GLB1L3: variants seen among roughly 807,000 people sequenced by gnomAD.
GLB1L3 encodes the protein beta-galactosidase-1-like protein 3.
Under a neutral mutation model 89.5 loss-of-function variants are expected in GLB1L3, and 89 were observed. The ratio of observed to expected loss-of-function variants is 0.99; its 90% CI spans 0.84 to 1.19. GLB1L3 has a LOEUF of 1.19. Among genes scored for constraint, GLB1L3 ranks in the 50% most tolerant of loss-of-function variants. The pLI is 0.00. For synonymous variants in GLB1L3, 314 were observed against 312.3 expected, an observed-to-expected ratio of 1.01 and a Z score of -0.06; for missense variants, 812 against 813.3, an observed-to-expected ratio of 1.00 and a Z score of 0.02.
intron 9 of GLB1L3, among the ~76,000 whole-genome samples, chr11:134,302,240 G>A (rs760281689): frequency 7.2e-5 from 11 of 152,142 alleles, no homozygotes; most frequent in Non-Finnish European, 7.3e-5. Flanking sequence ...TACAAGCTGT[G>A]CTTACTATCA....
downstream of GLB1L3, among the ~76,000 whole-genome samples, chr11:134,321,750 C>T (rs532516755): frequency 9.2e-5 from 14 of 152,026 alleles, no homozygotes; most frequent in Non-Finnish European, 2.1e-4. Flanking sequence ...AGGGGAACAT[C>T]ACACACTGGG....
chr11:134,277,566 G>A lies in GLB1L3; in HGVS notation c.149+115G>A, dbSNP rs949916667. On this transcript the variant is annotated intron_variant, in intron 2 of 19. Transcript: ENST00000431683. ...TCCTACTAACATATGCACAGAACAC[G>A]TCCTACTAACATATGCACAGAACAC... The A allele has an allele frequency of 5.2e-6, 8 of 1,524,676 alleles. No homozygotes were observed. The East Asian group carries it at 1.4e-4, about 26-fold the overall frequency. 94.4% of individuals were successfully genotyped at this position (1,524,676 alleles called of 1,614,324 possible). A position where few individuals can be genotyped will look rare whatever the true frequency, so the allele number is the denominator to read the frequency against.
downstream of GLB1L3, among the ~76,000 whole-genome samples, chr11:134,321,179 CTG>C (rs1341621212): frequency 3.3e-5 from 5 of 152,166 alleles, no homozygotes; most frequent in African/African-American, 1.2e-4. Flanking sequence ...GGCAAAAACA[CTG>C]TGTAAAGCGA....
intron 18 of GLB1L3, among the ~76,000 whole-genome samples, chr11:134,315,300 T>A (rs1302293290): frequency 6.6e-6 from 1 of 152,220 alleles, no homozygotes; most frequent in Non-Finnish European, 1.5e-5. Flanking sequence ...TTCGTTTGTG[T>A]TTATGTTCAT....
At chr11:134,280,846 A>G (rs1056263547) in intron 3 of GLB1L3, among the ~76,000 whole-genome samples, 5 of 152,196 alleles carry the variant, frequency 3.3e-5, no homozygotes, top group African/African-American at 1.2e-4. Flanking sequence ...GGCACAAAAA[A>G]ACACAGTTGC....
downstream of GLB1L3, among the ~76,000 whole-genome samples, chr11:134,324,263 A>G (rs1407887103): frequency 1.3e-5 from 2 of 152,332 alleles, no homozygotes; most frequent in South Asian, 4.1e-4. Flanking sequence ...CTGATATACA[A>G]GACATGGATA....
chr11:134,313,821 C>T, intron 16 of GLB1L3, 120 bp from the exon 17 acceptor site: 3 of 697,930 alleles, frequency 4.3e-6, no homozygotes, highest in Non-Finnish European at 5.1e-6. Flanking sequence ...CAAATGTTTG[C>T]CCTCCTGGCT....
At chr11:134,277,205 T>A (rs978287910) in intron 1 of GLB1L3, 121 bp from the exon 2 acceptor site, 1 of 1,284,880 alleles carries the variant, frequency 7.8e-7, no homozygotes, top group Admixed American at 1.7e-5. Flanking sequence ...AAGACCCGCC[T>A]GTGTCGCGGG....
At chr11:134,312,264 G>A (rs1942768572) in intron 13 of GLB1L3, 85 bp from the exon 14 acceptor site, 1 of 1,493,106 alleles carries the variant, frequency 6.7e-7, no homozygotes, top group South Asian at 1.2e-5. Flanking sequence ...GGGACCATTA[G>A]GCAGGACCAA....
chr11:134,293,543 G>A (rs970366714), intron 9 of GLB1L3, among the ~76,000 whole-genome samples: 1 of 152,116 alleles, frequency 6.6e-6, no homozygotes, highest in Middle Eastern at 3.2e-3. Context: ...CTCCCAGGGA[G>A]TTCTGGTGGG....
intron 6 of GLB1L3, among the ~76,000 whole-genome samples, chr11:134,286,603 C>T (rs921275210): frequency 2.6e-5 from 4 of 151,536 alleles, no homozygotes; most frequent in African/African-American, 9.7e-5. Context: ...GGTGAAACCC[C>T]GTCTCTACTA....
At chr11:134,324,326 A>G (rs1057276463), downstream of GLB1L3, among the ~76,000 whole-genome samples, 1 of 152,202 alleles carries the variant, frequency 6.6e-6, no homozygotes, top group African/African-American at 2.4e-5. Flanking sequence ...AGGAAAACAT[A>G]TTTTAGTAGC....
intron 12 of GLB1L3, 81 bp from the exon 13 acceptor site, chr11:134,310,983 A>G (rs1942702828): frequency 2.1e-6 from 2 of 960,906 alleles, no homozygotes; most frequent in East Asian, 2.4e-5. Context: ...AGGAAAAGCC[A>G]TGCTGGATAG....
At chr11:134,301,005 TA>T (rs1301587959) in intron 9 of GLB1L3, among the ~76,000 whole-genome samples, 2 of 152,214 alleles carry the variant, frequency 1.3e-5, no homozygotes, top group Non-Finnish European at 2.9e-5. Flanking sequence ...CTTGGGGAGT[TA>T]AAGCCAGCAT....
chr11:134,277,202 G>T lies in GLB1L3; in HGVS notation c.24-124G>T, dbSNP rs768480109. 16 of 1,255,666 alleles carry T rather than the reference G, an allele frequency of 1.3e-5. No individual in the cohort carries two copies. The Admixed American group carries it at 2.7e-4, about 21-fold the overall frequency. The allele number at this position is 1,255,666 out of a possible 1,614,324, so 77.8% of individuals were successfully genotyped here. ...GGCCCTGGGCCCGCCTGGAAGACCCGCCTGTGTCGCGGGCCCCCTCCCTGG... is the reference window on the plus strand; with the variant it reads ...GGCCCTGGGCCCGCCTGGAAGACCCTCCTGTGTCGCGGGCCCCCTCCCTGG... On this transcript the variant is annotated intron_variant, in intron 1 of 19. Transcript: ENST00000431683.
At chr11:134,301,188 A>T (rs939607676) in intron 9 of GLB1L3, among the ~76,000 whole-genome samples, 1 of 152,172 alleles carries the variant, frequency 6.6e-6, no homozygotes, top group African/African-American at 2.4e-5. Context: ...CAGGTTTTCC[A>T]TGGATTTTAG....
At chr11:134,302,906 C>G (rs1036703881) in intron 9 of GLB1L3, among the ~76,000 whole-genome samples, 4 of 152,132 alleles carry the variant, frequency 2.6e-5, no homozygotes, top group Non-Finnish European at 5.9e-5. Flanking sequence ...GTATTGGTCA[C>G]TGAAAGAGAT....
intron 5 of GLB1L3, among the ~76,000 whole-genome samples, chr11:134,282,658 T>G (rs1940765659): frequency 6.6e-6 from 1 of 152,160 alleles, no homozygotes; most frequent in Admixed American, 6.5e-5. Flanking sequence ...CCTTGTTCTC[T>G]CCTCTGTGAT....
chr11:134,277,868 C>G lies in GLB1L3; in HGVS notation c.318C>G (p.Asp106Glu). The G allele has an allele frequency of 6.2e-7, 1 of 1,613,940 alleles. No homozygotes were observed. Among genetic ancestry groups the G allele is most frequent in the South Asian group, 1.1e-5 (1 of 91,060 alleles). ...GGGTGCCCAGGGAGTACTGGAGGGA[C>G]CGCCTGCTGAAGCTGAAGGCCTGTG... is the stretch of plus-strand genomic sequence containing the variant. The part of the protein sequence containing the change: ...YFRVPREYWR[D>E]RLLKLKACGF... The change falls in exon 3 of 20, where the codon GAC (aspartate) becomes GAG (glutamate). Residue 106 changes from aspartate (D) to glutamate (E), a missense_variant. Transcript: ENST00000431683.
Sources: allele counts gnomAD v4.1 joint callset (sites outside exome capture counted in the v4.1 genomes callset), GRCh38; gene constraint gnomAD v4.1.1; transcripts MANE v1.5; gene names NCBI Gene and HGNC (gene_info 2026-07-23, HGNC 2026-07-21).